The following PLIN4 variants were observed in gnomAD, a reference collection of about 807,000 sequenced individuals.
PLIN4 encodes the protein perilipin 4.
PLIN4 carries 57 observed loss-of-function variants against 52.4 expected under a neutral mutation model. The ratio of observed to expected loss-of-function variants is 1.09; its 90% CI spans 0.88 to 1.36. The LOEUF is 1.36. Among genes scored for constraint, PLIN4 ranks in the 40% most tolerant of loss-of-function variants. The probability of loss-of-function intolerance (pLI) is 0.00; values close to 1 mark genes in which losing one functional copy is unlikely to be tolerated. For synonymous variants in PLIN4, 826 were observed against 785.4 expected, an observed-to-expected ratio of 1.05 and a Z score of -0.86; for missense variants, 1,757 against 1,770.3, an observed-to-expected ratio of 0.99 and a Z score of 0.13.
chr19:4,509,343 G>A (rs929730435), intron 5 of PLIN4, among the ~76,000 whole-genome samples: 12 of 71,008 alleles, frequency 1.7e-4, no homozygotes, highest in South Asian at 8.3e-4. Context: ...GAGGCCAGGC[G>A]CGGTGGCTCA....
In PLIN4 at chr19:4,504,319, C is replaced by T. The variant is rs1274713549; in HGVS notation, c.*140G>A. 22 of 877,608 alleles carry T rather than the reference C, an allele frequency of 2.5e-5. No individual in the cohort carries two copies. Among genetic ancestry groups the T allele is most frequent in the Admixed American group, 3.0e-5 (1 of 33,036 alleles). The allele number at this position is 877,608 out of a possible 1,614,324, so 54.4% of individuals were successfully genotyped here. A position where few individuals can be genotyped will look rare whatever the true frequency, so the allele number is the denominator to read the frequency against. On this transcript the variant is annotated 3_prime_UTR_variant, in exon 8 of 8. Coordinates refer to ENST00000301286, the MANE Select transcript of PLIN4 (RefSeq NM_001367868.2). The stretch of plus-strand genomic sequence containing the variant: ...GAAGGTCACTGCCTCCGCAGCCCCT[C>T]GGCGCTCAGCCAGCTGCAGCCCCAA...
At chr19:4,515,355 C>T (rs373008114) in intron 4 of PLIN4, among the ~76,000 whole-genome samples, 112 of 151,190 alleles carry the variant, frequency 7.4e-4, no homozygotes, top group African/African-American at 2.5e-3. Context: ...CTGCAGTCTC[C>T]GCCTCCTGGG....
chr19:4,505,018 TC>T, intron 6 of PLIN4, 71 bp from the exon 7 acceptor site: 3 of 1,394,478 alleles, frequency 2.2e-6, no homozygotes, highest in Non-Finnish European at 3.0e-6. Context: ...CACCTCCCCC[TC>T]CCCCAGGGAC....
intron 5 of PLIN4, 86 bp from the exon 6 acceptor site, chr19:4,509,041 G>A (rs959053085): frequency 2.4e-5 from 32 of 1,334,766 alleles, no homozygotes; most frequent in South Asian, 1.2e-4. Flanking sequence ...CGGGCGCGGC[G>A]GTTCCCGCCT....
Position 4,511,468 on chromosome 19 carries a change from G to C in PLIN4, c.2492C>G (p.Thr831Ser). The change falls in exon 5 of 8, where the codon ACT becomes AGT. Residue 831 changes from threonine to serine, a missense_variant. By Grantham distance (58) the Thr-to-Ser change is moderately conservative. Around this residue, in one of 7 missense-constraint regions of PLIN4, gnomAD observed 76 missense variants for 109.1 expected, o/e 0.70. Transcript: ENST00000301286. ...AKTVLTGTKD[T>S]VCSGVTGAAN... is the part of the protein sequence containing the mutation. ...AGCACCGGTGACCCCACTGCAGACAGTGTCCTTGGTACCGGTCAGCACGGT... is the reference window on the plus strand; with the variant it reads ...AGCACCGGTGACCCCACTGCAGACACTGTCCTTGGTACCGGTCAGCACGGT... The C allele has an allele frequency of 6.5e-7, 1 of 1,542,300 alleles. No homozygotes were observed. Among genetic ancestry groups the C allele is most frequent in the East Asian group, 2.3e-5 (1 of 44,126 alleles).
Position 4,502,347 on chromosome 19 carries a change from C to T in PLIN4, c.*2112G>A. 2.6e-6 allele frequency: 1 copy of T among 383,710 alleles called. No homozygotes were observed. The highest frequency in any genetic ancestry group is 4.9e-6 in the Non-Finnish European group (1 of 205,946). The allele number at this position is 383,710 out of a possible 1,614,324, so 23.8% of individuals were successfully genotyped here. A position where few individuals can be genotyped will look rare whatever the true frequency, so the allele number is the denominator to read the frequency against. On this transcript the variant is annotated 3_prime_UTR_variant, in exon 8 of 8. Coordinates refer to ENST00000301286, the MANE Select transcript of PLIN4 (RefSeq NM_001367868.2). ...CACCGTGAGAAGCGACTAAAAGGCA[C>T]TCTGGGCCCAGCCCAACCCTGAAAG...
Position 4,504,717 on chromosome 19 carries a change from G to T in PLIN4, c.3858C>A (p.Gly1286=). 1.2e-6 allele frequency: 2 copies of T among 1,600,748 alleles called. No individual in the cohort carries two copies. Among genetic ancestry groups the T allele is most frequent in the Non-Finnish European group, 8.5e-7 (1 of 1,176,826 alleles). The part of the protein sequence containing the change: ...LLRQLHTAYS[G]LVSSLQGLPA... ...GCAGGCCCTGGAGGCTGGAGACCAG[G>T]CCACTGTAGGCCGTGTGCAGCTGCC... is the stretch of plus-strand genomic sequence containing the variant. The change falls in exon 8 of 8, where the codon GGC becomes GGA. Residue 1286 remains glycine, a synonymous_variant. Coordinates refer to ENST00000301286, the MANE Select transcript of PLIN4 (RefSeq NM_001367868.2).
Position 4,511,440 on chromosome 19 carries a change from C to T in PLIN4, c.2520G>A (p.Ala840=), listed in dbSNP as rs1380649750. The change falls in exon 5 of 8, where the codon GCG becomes GCA. Residue 840 remains alanine, a synonymous_variant. Coordinates refer to ENST00000301286, the MANE Select transcript of PLIN4 (RefSeq NM_001367868.2). The part of the protein sequence containing the change: ...DTVCSGVTGA[A]NVAKGAVQTG... ...TTTGCACAGCACCCTTGGCCACGTT[C>T]GCAGCACCGGTGACCCCACTGCAGA... 21 of 1,531,994 alleles carry T rather than the reference C, an allele frequency of 1.4e-5. 1 individual carries two copies. Among genetic ancestry groups the T allele is most frequent in the Admixed American group, 1.8e-5 (1 of 56,948 alleles). The allele number at this position is 1,531,994 out of a possible 1,614,324, so 94.9% of individuals were successfully genotyped here. A position where few individuals can be genotyped will look rare whatever the true frequency, so the allele number is the denominator to read the frequency against.
intron 6 of PLIN4, among the ~76,000 whole-genome samples, chr19:4,507,031 T>C (rs1244585592): frequency 1.3e-5 from 2 of 152,136 alleles, no homozygotes; most frequent in African/African-American, 2.4e-5. Flanking sequence ...GTGTCCCTAC[T>C]CTCCACCAGG....
rs755372602 is a variant in PLIN4 at position 4,510,878 on chromosome 19, C to G, written c.3082G>C (p.Asp1028His). 8.7e-6 allele frequency: 14 copies of G among 1,613,758 alleles called. No individual in the cohort carries two copies. The East Asian group carries it at 2.5e-4, about 28-fold the overall frequency. The change falls in exon 5 of 8, where the codon GAC becomes CAC. Residue 1028 changes from aspartate to histidine, a missense_variant. Around this residue, in one of 7 missense-constraint regions of PLIN4, gnomAD observed 712 missense variants for 637.1 expected, o/e 1.12. Transcript: ENST00000301286. ...CCCATGAGCCCAGCGGACACTGCGT[C>G]TTTGGTTCCGGTCAGCACTGTCTTG... ...TTKTVLTGTKDAVSAGLMGSG... is the reference protein window; with the variant it reads ...TTKTVLTGTKHAVSAGLMGSG...
Position 4,504,507 on chromosome 19 carries a change from CG to C in PLIN4, c.4067del (p.Pro1356ArgfsTer6). 1 of 1,600,350 alleles carries C rather than the reference CG, an allele frequency of 6.2e-7. No homozygotes were observed. On this transcript the variant is annotated frameshift_variant, in exon 8 of 8. Coordinates refer to ENST00000301286, the MANE Select transcript of PLIN4 (RefSeq NM_001367868.2). LOFTEE classifies it low-confidence loss of function (END_TRUNC). ...CGAAGGGCCCTACCAGCCAGCTGAG[CG>C]GGGGATTGTGCTGTAGGCCCTCCAG... ...QLLEGLQHNP[P>X]LSWLVGPFAL...
At position 4,511,942 on chromosome 19, in the gene PLIN4, C is replaced by G. The variant is rs1190643276; in HGVS notation, c.2018G>C (p.Ser673Thr). 2 of 1,597,972 alleles carry G rather than the reference C, an allele frequency of 1.3e-6. No individual in the cohort carries two copies. Among genetic ancestry groups the G allele is most frequent in the Non-Finnish European group, 1.7e-6 (2 of 1,169,318 alleles). Residue 673 changes from serine (S) to threonine (T), a missense_variant, in exon 5 of 8, where the codon AGT becomes ACT. By Grantham distance (58) the Ser-to-Thr change is moderately conservative. This residue lies in a region of PLIN4 where 439 missense variants were observed against 406.4 expected (regional missense o/e 1.08). Transcript: ENST00000301286. The part of the protein sequence containing the change: ...TKNTFGSGVT[S>T]AVNVAKGAAQ... ...AGCCCCTTTGGCCACATTCACAGCA[C>G]TGGTCACCCCACTGCCAAAGGTGTT...
At position 4,510,995 on chromosome 19, in the gene PLIN4, C is replaced by T. The variant is rs749302597; in HGVS notation, c.2965G>A (p.Val989Met). The T allele has an allele frequency of 2.5e-6, 4 of 1,613,188 alleles. No individual in the cohort carries two copies. The highest frequency in any genetic ancestry group is 3.3e-5 in the Admixed American group (2 of 59,998). The change falls in exon 5 of 8, where the codon GTG becomes ATG. Residue 989 changes from valine to methionine, a missense_variant. Physicochemically the swap from Val to Met is conservative, Grantham distance 21. This residue lies in a region of PLIN4 where 712 missense variants were observed against 637.1 expected (regional missense o/e 1.12). Transcript: ENST00000301286. ...ACAGTGTCCTTGGTACCCATAAGCA[C>T]AGCCTTGGAGGCGTCCACGCCGGTC... ...VQTGVDASKAVLMGTKDTVFS... is the reference protein window; with the variant it reads ...VQTGVDASKAMLMGTKDTVFS...
At chr19:4,509,102 G>T in intron 5 of PLIN4, 147 bp from the exon 6 acceptor site, 2 of 692,746 alleles carry the variant, frequency 2.9e-6, no homozygotes, top group Non-Finnish European at 4.7e-6. Flanking sequence ...GAGGTCAGGA[G>T]ATCGAGACCA....
In PLIN4 at chr19:4,510,530, C is replaced by T. The variant is rs761518216; in HGVS notation, c.3430G>A (p.Glu1144Lys). ...TGLLATTHGP[E>K]EAPRLAMLQN... ...AGCATTGCCAAGCGTGGGGCTTCTT[C>T]GGGGCCGTGTGTGGTGGCCAAAAGC... The change falls in exon 5 of 8, where the codon GAA (glutamate) becomes AAA (lysine). Residue 1144 changes from glutamate (E) to lysine (K), a missense_variant. Glu to Lys is a moderately conservative substitution (Grantham distance 56). Coordinates refer to ENST00000301286, the MANE Select transcript of PLIN4 (RefSeq NM_001367868.2). The T allele has an allele frequency of 9.4e-6, 14 of 1,489,686 alleles. No individual in the cohort carries two copies. Among genetic ancestry groups the T allele is most frequent in the African/African-American group, 4.2e-5 (3 of 71,202 alleles). 92.3% of individuals were successfully genotyped at this position (1,489,686 alleles called of 1,614,324 possible).
intron 6 of PLIN4, among the ~76,000 whole-genome samples, chr19:4,506,263 C>G (rs1976090049): frequency 6.6e-6 from 1 of 152,196 alleles, no homozygotes; most frequent in Non-Finnish European, 1.5e-5. Context: ...GCCTCCCAGG[C>G]CTCCTTCCTA....
chr19:4,517,839 G>A, intron 2 of PLIN4, 141 bp from the exon 3 acceptor site: 3 of 1,147,942 alleles, frequency 2.6e-6, no homozygotes, highest in South Asian at 3.2e-5. Context: ...CAGCCACTCA[G>A]CCTCAATTTC....
In PLIN4 at chr19:4,511,283, C is replaced by G; in HGVS notation, c.2677G>C (p.Gly893Arg). Reference sequence around the variant, plus strand: ...CCAGTGGACACGGCATCTTTAGTGCCAGTCAGGACAGACTTTGTAGTGTCC... The same window carrying G: ...CCAGTGGACACGGCATCTTTAGTGCGAGTCAGGACAGACTTTGTAGTGTCC... ...GLDTTKSVLTGTKDAVSTGLT... is the reference protein window; with the variant it reads ...GLDTTKSVLTRTKDAVSTGLT... The change falls in exon 5 of 8, where the codon GGC becomes CGC. Residue 893 changes from glycine to arginine, a missense_variant. By Grantham distance (125) the Gly-to-Arg change is moderately radical (BLOSUM62 -2). This residue lies in a region of PLIN4 where 76 missense variants were observed against 109.1 expected (regional missense o/e 0.70). Coordinates refer to ENST00000301286, the MANE Select transcript of PLIN4 (RefSeq NM_001367868.2). 1 of 1,610,296 alleles carries G rather than the reference C, an allele frequency of 6.2e-7. No individual in the cohort carries two copies. Among genetic ancestry groups the G allele is most frequent in the African/African-American group, 1.3e-5 (1 of 74,538 alleles).
In PLIN4 at chr19:4,512,809, G is replaced by T; in HGVS notation, c.1151C>A (p.Ala384Asp). ...VTGAVNLAKE[A>D]IQGGLDTTKS... Reference sequence around the variant, plus strand: ...GGTGGTATCCAGGCCCCCCTGGATGGCCTCTTTGGCCAAGTTCACGGCACC... The same window carrying T: ...GGTGGTATCCAGGCCCCCCTGGATGTCCTCTTTGGCCAAGTTCACGGCACC... The change falls in exon 5 of 8, where the codon GCC becomes GAC. Residue 384 changes from alanine (A) to aspartate (D), a missense_variant. Transcript: ENST00000301286. 6.4e-7 allele frequency: 1 copy of T among 1,564,480 alleles called. No homozygotes were observed. The highest frequency in any genetic ancestry group is 1.1e-5 in the South Asian group (1 of 89,918).
Sources: gnomAD v4.1 joint callset for allele counts (sites outside exome capture counted in the v4.1 genomes callset) on GRCh38, gnomAD v4.1.1 for gene constraint, gnomAD v4.1.1 regional missense constraint, MANE v1.5 for transcripts, NCBI Gene and HGNC (gene_info 2026-07-23, HGNC 2026-07-21) for gene names.